Variants in SYNE1 observed in about 807,000 individuals in gnomAD.
SYNE1 encodes nesprin-1.
SYNE1 carries 616 observed loss-of-function variants against 1,111.0 expected under a neutral mutation model. The ratio of observed to expected loss-of-function variants is 0.55; its 90% CI spans 0.52 to 0.59. The LOEUF is 0.59. Among genes scored for constraint, SYNE1 ranks in the 20% least tolerant of loss-of-function variants. SYNE1 has a pLI of 0.00. For synonymous variants in SYNE1, 3,855 were observed against 3,825.8 expected, an observed-to-expected ratio of 1.01 and a Z score of -0.28; for missense variants, 10,006 against 10,417.0, an observed-to-expected ratio of 0.96 and a Z score of 1.72.
At chr6:152,237,367 T>A (rs1248246438) in intron 108 of SYNE1, among the ~76,000 whole-genome samples, 2 of 148,010 alleles carry the variant, frequency 1.4e-5, no homozygotes, top group African/African-American at 5.0e-5. Context: ...TGGAGTACAG[T>A]GGCACAATCA....
intron 130 of SYNE1, among the ~76,000 whole-genome samples, chr6:152,167,323 A>T (rs1165266539): frequency 6.6e-6 from 1 of 152,216 alleles, no homozygotes; most frequent in Non-Finnish European, 1.5e-5. Context: ...TTTCCTTCAA[A>T]GTAATTTAGT....
chr6:152,488,545 A>G (rs1370444413), intron 11 of SYNE1, 42 bp from the exon 12 acceptor site: 4 of 1,030,894 alleles, frequency 3.9e-6, no homozygotes, highest in South Asian at 1.3e-5. Flanking sequence ...GTATCTGTGC[A>G]TTTATTTAAT....
chr6:152,308,396 G>C, intron 91 of SYNE1, 93 bp downstream of exon 91: 1 of 1,572,518 alleles, frequency 6.4e-7, no homozygotes, highest in Non-Finnish European at 8.7e-7. Context: ...TGCAGGACAG[G>C]GGAAACTGTT....
chr6:152,302,160 G>C (rs2095206826), intron 91 of SYNE1, 97 bp from the exon 92 acceptor site: 4 of 1,541,342 alleles, frequency 2.6e-6, no homozygotes, highest in Non-Finnish European at 3.6e-6. Flanking sequence ...CAATGAGCGC[G>C]CAGAGCCGCG....
intron 91 of SYNE1, 35 bp from the exon 92 acceptor site, chr6:152,302,098 C>A: frequency 6.2e-7 from 1 of 1,613,646 alleles, no homozygotes; most frequent in Non-Finnish European, 8.5e-7. Flanking sequence ...GGTGTCAGAG[C>A]AGCATCAAAA....
At chr6:152,132,352 A>C in intron 143 of SYNE1, 138 bp from the exon 144 acceptor site, 1 of 786,802 alleles carries the variant, frequency 1.3e-6, no homozygotes, top group South Asian at 1.4e-5. Context: ...CCTTGGGGAA[A>C]ATGGAACCAG....
intron 127 of SYNE1, among the ~76,000 whole-genome samples, chr6:152,196,223 C>G (rs1192539749): frequency 6.6e-6 from 1 of 152,136 alleles, no homozygotes; most frequent in Non-Finnish European, 1.5e-5. Context: ...CACCCGAGAG[C>G]CAAGTCCTGG....
chr6:152,149,952 G>A (rs1395557198), intron 135 of SYNE1, among the ~76,000 whole-genome samples: 1 of 152,090 alleles, frequency 6.6e-6, no homozygotes, highest in African/African-American at 2.4e-5. Flanking sequence ...GAGAATAACA[G>A]GGGAAAATAT....
chr6:152,221,529 T>C lies in SYNE1; in HGVS notation c.21553A>G (p.Arg7185Gly). The C allele has an allele frequency of 1.2e-6, 2 of 1,613,962 alleles. No homozygotes were observed. Among genetic ancestry groups the C allele is most frequent in the Non-Finnish European group, 1.7e-6 (2 of 1,179,922 alleles). ...ATAGAGCCAAATTTCTGTAAGCTCC[T>C]TTCCTGTTTTTCCAGATCATCTTGG... ...NLQDDLEKQE[R>G]SLQKFGSITN... Residue 7185 changes from arginine (R) to glycine (G), a missense_variant, in exon 118 of 146, where the codon AGG becomes GGG. Physicochemically the swap from Arg to Gly is moderately radical, Grantham distance 125 (BLOSUM62 -2). Around this residue, in one of 7 missense-constraint regions of SYNE1, gnomAD observed 2,182 missense variants for 2,287.8 expected, o/e 0.95. Transcript: ENST00000367255.
chr6:152,531,217 A>G (rs1435811796), intron 4 of SYNE1, among the ~76,000 whole-genome samples: 2 of 152,222 alleles, frequency 1.3e-5, no homozygotes, highest in Non-Finnish European at 2.9e-5. Flanking sequence ...ATGAAAAAAA[A>G]AATTTGAGAT....
chr6:152,493,902 T>C (rs2098985250), intron 11 of SYNE1, among the ~76,000 whole-genome samples: 1 of 152,186 alleles, frequency 6.6e-6, no homozygotes, highest in Admixed American at 6.5e-5. Context: ...CCATAGATCC[T>C]AAATCCTTTC....
At chr6:152,453,417 A>G (rs758917318) in intron 25 of SYNE1, 169 bp downstream of exon 25, 2 of 855,426 alleles carry the variant, frequency 2.3e-6, no homozygotes, top group Non-Finnish European at 3.8e-6. Context: ...CAATTCTATC[A>G]TATATTATCA....
In SYNE1 at chr6:152,133,310, A is replaced by G. The variant is rs886043195; in HGVS notation, c.25967T>C (p.Leu8656Pro). The G allele has an allele frequency of 6.2e-7, 1 of 1,614,214 alleles. No homozygotes were observed. Among genetic ancestry groups the G allele is most frequent in the Non-Finnish European group, 8.5e-7 (1 of 1,180,040 alleles). ...ACTTGACACGTCTAATAACTTCTCC[A>G]GTTCCTTGATATGACGACTGACCTC... is the stretch of plus-strand genomic sequence containing the variant. ...LKEVSRHIKE[L>P]EKLLDVSSSQ... Residue 8656 changes from leucine (L) to proline (P), a missense_variant, in exon 143 of 146, where the codon CTG (leucine) becomes CCG (proline). Physicochemically the swap from Leu to Pro is moderately conservative, Grantham distance 98 (BLOSUM62 -3). Around this residue, in one of 7 missense-constraint regions of SYNE1, gnomAD observed 761 missense variants for 795.5 expected, o/e 0.96. Transcript: ENST00000367255.
chr6:152,130,204 A>G (rs1210243679), intron 145 of SYNE1, among the ~76,000 whole-genome samples: 1 of 152,198 alleles, frequency 6.6e-6, no homozygotes, highest in Non-Finnish European at 1.5e-5. Context: ...GTACTTATAA[A>G]TTTCCAATGA....
intron 24 of SYNE1, among the ~76,000 whole-genome samples, 195 bp downstream of exon 24, chr6:152,455,231 C>G (rs2098687399): frequency 1.3e-5 from 2 of 152,220 alleles, no homozygotes; most frequent in Admixed American, 1.3e-4. Context: ...TGGCCAATGA[C>G]AAGTCAGCTC....
Position 152,364,990 on chromosome 6 carries a change from C to A in SYNE1, c.10002G>T (p.Glu3334Asp). The change falls in exon 63 of 146, where the codon GAG (glutamate) becomes GAT (aspartate). Residue 3334 changes from glutamate (E) to aspartate (D), a missense_variant. By Grantham distance (45) the Glu-to-Asp change is conservative (BLOSUM62 2). Coordinates refer to ENST00000367255, the MANE Select transcript of SYNE1 (RefSeq NM_182961.4). ...TGGTCACTATCATTTTCATCTGAAT[C>A]TCTTTTTCCTGTTTGACTGATAATA... ...EALLSVKQEK[E>D]IQMKMIVTRG... The A allele has an allele frequency of 6.2e-7, 1 of 1,614,230 alleles. No individual in the cohort carries two copies. Among genetic ancestry groups the A allele is most frequent in the Non-Finnish European group, 8.5e-7 (1 of 1,180,038 alleles).
At chr6:152,444,671 CATT>C (rs2098560488) in intron 29 of SYNE1, 93 bp from the exon 30 acceptor site, 1 of 1,158,480 alleles carries the variant, frequency 8.6e-7, no homozygotes, top group African/African-American at 1.6e-5. Flanking sequence ...GACAAATAAA[CATT>C]GTACATATTT....
chr6:152,234,936 T>G, intron 110 of SYNE1, 136 bp from the exon 111 acceptor site: 1 of 978,366 alleles, frequency 1.0e-6, no homozygotes. Context: ...AGGTTGGCAC[T>G]CTGAAATTTT....
rs2076851416 is a variant in SYNE1 at position 152,208,082 on chromosome 6, C to T, written c.22714G>A (p.Ala7572Thr). The change falls in exon 125 of 146, where the codon GCA (alanine) becomes ACA (threonine). Residue 7572 changes from alanine (A) to threonine (T), a missense_variant. By Grantham distance (58) the Ala-to-Thr change is moderately conservative. This residue lies in a region of SYNE1 where 2,182 missense variants were observed against 2,287.8 expected (regional missense o/e 0.95). Transcript: ENST00000367255. ...IRQWQRYREM[A>T]EKLRKWLVEV... ...ACCAACCATTTACGAAGCTTTTCTG[C>T]CATCTCCCTATAGCGCTGCCACTGG... 6.2e-7 allele frequency: 1 copy of T among 1,614,008 alleles called. No homozygotes were observed. Among genetic ancestry groups the T allele is most frequent in the South Asian group, 1.1e-5 (1 of 91,078 alleles).
Sources: gnomAD v4.1 joint callset for allele counts (sites outside exome capture counted in the v4.1 genomes callset) on GRCh38, gnomAD v4.1.1 for gene constraint, gnomAD v4.1.1 regional missense constraint, MANE v1.5 for transcripts, NCBI Gene and HGNC (gene_info 2026-07-23, HGNC 2026-07-21) for gene names.